Variants in PTPN14 observed in about 807,000 individuals in gnomAD.
PTPN14 encodes protein tyrosine phosphatase non-receptor type 14.
Under a neutral mutation model 126.8 loss-of-function variants are expected in PTPN14, and 53 were observed. The ratio of observed to expected loss-of-function variants is 0.42; its 90% CI spans 0.34 to 0.53. The LOEUF is 0.53. Among genes scored for constraint, PTPN14 ranks in the 20% least tolerant of loss-of-function variants. The pLI is 0.08. For synonymous variants in PTPN14, 630 were observed against 599.3 expected, an observed-to-expected ratio of 1.05 and a Z score of -0.75; for missense variants, 1,257 against 1,552.9, an observed-to-expected ratio of 0.81 and a Z score of 3.20.
chr1:214,446,109 A>C (rs1660136357), intron 3 of PTPN14, among the ~76,000 whole-genome samples: 1 of 152,194 alleles, frequency 6.6e-6, no homozygotes. Flanking sequence ...CAAAGCCCCA[A>C]GGTAATAAAT....
intron 1 of PTPN14, among the ~76,000 whole-genome samples, chr1:214,525,528 A>G (rs1396886078): frequency 6.6e-6 from 1 of 152,236 alleles, no homozygotes; most frequent in Admixed American, 6.5e-5. Context: ...TCTTTCCTGG[A>G]CAAAAACAAA....
chr1:214,444,338 C>G (rs1261910580), intron 3 of PTPN14, among the ~76,000 whole-genome samples: 2 of 152,170 alleles, frequency 1.3e-5, no homozygotes, highest in African/African-American at 4.8e-5. Flanking sequence ...CTAGCTGGAG[C>G]TGGCCAGGAG....
chr1:214,530,272 T>C (rs1655508159), intron 1 of PTPN14: 2 of 152,000 alleles, frequency 1.3e-5, no homozygotes, highest in African/African-American at 4.8e-5. Flanking sequence ...TGGGGTCCCA[T>C]AAGTGATCAA....
rs924195803 is a variant in PTPN14 at position 214,353,363 on chromosome 1, T to C, written c.*4559A>G. The C allele has an allele frequency of 6.6e-6, 1 of 152,262 alleles. No homozygotes were observed. The highest frequency in any genetic ancestry group is 1.5e-5 in the Non-Finnish European group (1 of 68,054). The allele number at this position is 152,262 out of a possible 1,614,324, so 9.4% of individuals were successfully genotyped here. ...TGTGAATTCAATGTAGTATTCAGCA[T>C]GTGGCAAATTCAACTTTTGCTTTTT... On this transcript the variant is annotated 3_prime_UTR_variant, in exon 19 of 19. Transcript: ENST00000366956.
chr1:214,498,957 C>T (rs868743687), intron 1 of PTPN14, among the ~76,000 whole-genome samples: 2 of 151,990 alleles, frequency 1.3e-5, no homozygotes, highest in Non-Finnish European at 2.9e-5. Context: ...TACAGGTATG[C>T]GCCACCACCC....
intron 1 of PTPN14, chr1:214,532,944 T>C: frequency 1.3e-6 from 1 of 797,688 alleles, no homozygotes; most frequent in East Asian, 2.4e-5. Context: ...GGGCCCAATA[T>C]GACAAGCTGG....
intron 3 of PTPN14, among the ~76,000 whole-genome samples, chr1:214,448,588 C>A (rs567270455): frequency 6.6e-6 from 1 of 152,176 alleles, no homozygotes; most frequent in Admixed American, 6.5e-5. Context: ...CCTCTTGATT[C>A]TCAGCTCTAG....
intron 1 of PTPN14, among the ~76,000 whole-genome samples, chr1:214,490,125 ACTC>A (rs1326463665): frequency 1.3e-5 from 2 of 152,122 alleles, no homozygotes; most frequent in Non-Finnish European, 2.9e-5. Flanking sequence ...GTACAAAGTC[ACTC>A]CTCTTACAAT....
intron 1 of PTPN14, among the ~76,000 whole-genome samples, chr1:214,516,336 T>C (rs61143240): frequency 6.6e-6 from 1 of 152,338 alleles, no homozygotes; most frequent in African/African-American, 2.4e-5. Flanking sequence ...AGGTACCATA[T>C]ATGAATTGAA....
chr1:214,549,192 C>A (rs1011214830), intron 1 of PTPN14, among the ~76,000 whole-genome samples: 2 of 152,154 alleles, frequency 1.3e-5, no homozygotes. Flanking sequence ...AGGACTCAGC[C>A]ACTATGAACA....
intron 1 of PTPN14, among the ~76,000 whole-genome samples, chr1:214,474,933 C>T (rs1660835226): frequency 6.6e-6 from 1 of 152,158 alleles, no homozygotes; most frequent in Non-Finnish European, 1.5e-5. Context: ...GCGAAACTTT[C>T]CTCTGAAGGC....
At chr1:214,439,494 TGG>T (rs1425065389) in intron 3 of PTPN14, among the ~76,000 whole-genome samples, 48 of 152,220 alleles carry the variant, frequency 3.2e-4, no homozygotes, top group African/African-American at 1.0e-3. Context: ...TCAAAGTTGC[TGG>T]GATTTGCTCT....
intron 3 of PTPN14, among the ~76,000 whole-genome samples, chr1:214,439,693 A>C (rs1659995994): frequency 6.6e-6 from 1 of 152,208 alleles, no homozygotes; most frequent in Non-Finnish European, 1.5e-5. Context: ...ACCAGAAAGC[A>C]GTATCATTAT....
chr1:214,384,047 T>C lies in PTPN14; in HGVS notation c.1808A>G (p.Gln603Arg). 1 of 1,589,230 alleles carries C rather than the reference T, an allele frequency of 6.3e-7. No individual in the cohort carries two copies. Among genetic ancestry groups the C allele is most frequent in the Non-Finnish European group, 8.5e-7 (1 of 1,170,332 alleles). Residue 603 changes from glutamine (Q) to arginine (R), a missense_variant, in exon 13 of 19, where the codon CAG (glutamine) becomes CGG (arginine). Transcript: ENST00000366956. This position sits in a 1 kb window ranked among gnomAD's most constrained non-coding sequence, Gnocchi z 5.3. Reference protein sequence around the residue: ...SSPDLVTRKVQLSVKTFQEDS... With the variant: ...SSPDLVTRKVRLSVKTFQEDS... Reference sequence around the variant, plus strand: ...CTCTTGGAAGGTCTTCACCGAGAGCTGCACCTTCCGGGTCACCAGGTCCGG... The same window carrying C: ...CTCTTGGAAGGTCTTCACCGAGAGCCGCACCTTCCGGGTCACCAGGTCCGG...
intron 1 of PTPN14, among the ~76,000 whole-genome samples, chr1:214,478,328 A>AATGCTC (rs1231809314): frequency 6.6e-6 from 1 of 152,230 alleles, no homozygotes; most frequent in African/African-American, 2.4e-5. Flanking sequence ...AGCTCTGAAC[A>AATGCTC]ATGCTCATGA....
intron 10 of PTPN14, among the ~76,000 whole-genome samples, chr1:214,392,194 AAGAGAGAGAGAG>A (rs981847649): frequency 1.3e-5 from 2 of 151,250 alleles, no homozygotes; most frequent in Admixed American, 1.3e-4. Context: ...GAGAGAGAGA[AAGAGAGAGAGAG>A]AGCGAGAGAG....
intron 11 of PTPN14, among the ~76,000 whole-genome samples, chr1:214,387,570 T>C (rs1419001672): frequency 6.6e-6 from 1 of 151,440 alleles, no homozygotes; most frequent in Non-Finnish European, 1.5e-5. Context: ...TCCCAGCTAC[T>C]TGGGAGGCTG....
intron 3 of PTPN14, among the ~76,000 whole-genome samples, chr1:214,433,932 A>C (rs1659849195): frequency 6.2e-5 from 1 of 16,258 alleles, no homozygotes; most frequent in Non-Finnish European, 1.1e-4. Flanking sequence ...CCACACACAC[A>C]CACACACACA....
chr1:214,502,997 C>T (rs1377506904), intron 1 of PTPN14, among the ~76,000 whole-genome samples: 2 of 152,070 alleles, frequency 1.3e-5, no homozygotes, highest in Non-Finnish European at 2.9e-5. Context: ...CCTAACTCTA[C>T]AAAAGTTGAC....
Sources: gnomAD v4.1 joint callset for allele counts (sites outside exome capture counted in the v4.1 genomes callset) on GRCh38, gnomAD v4.1.1 for gene constraint, Gnocchi (gnomAD v3.1) non-coding constraint, MANE v1.5 for transcripts, NCBI Gene and HGNC (gene_info 2026-07-23, HGNC 2026-07-21) for gene names.